Variants in TRAF3IP1 observed in about 807,000 individuals in gnomAD.
TRAF3IP1 encodes intraflagellar transport 54.
A neutral mutation model predicts 89.9 loss-of-function variants in TRAF3IP1; 53 were observed. That is an observed-to-expected ratio of 0.59 (90% CI 0.47 to 0.74). The LOEUF is 0.74. TRAF3IP1 is among the 30% of genes least tolerant of loss of function. TRAF3IP1 has a pLI of 0.00. For missense variants in TRAF3IP1, 806 were observed against 866.1 expected, an observed-to-expected ratio of 0.93 and a Z score of 0.87; for synonymous variants, 311 against 322.1, an observed-to-expected ratio of 0.97 and a Z score of 0.37.
intron 9 of TRAF3IP1, chr2:238,347,214 T>C (rs953483478): frequency 7.8e-6 from 4 of 513,192 alleles, no homozygotes; most frequent in Non-Finnish European, 1.0e-5. Flanking sequence ...CCCTGTGTCC[T>C]GTTTCTATTT....
chr2:238,339,635 C>T (rs922913181), intron 8 of TRAF3IP1, among the ~76,000 whole-genome samples: 4 of 152,354 alleles, frequency 2.6e-5, no homozygotes, highest in Non-Finnish European at 4.4e-5. Flanking sequence ...GAGCCAGCCA[C>T]GTGAGTGGGT....
chr2:238,371,466 C>T (rs1700109072), intron 15 of TRAF3IP1, among the ~76,000 whole-genome samples: 1 of 152,066 alleles, frequency 6.6e-6, no homozygotes, highest in Non-Finnish European at 1.5e-5. Flanking sequence ...GAAACTGACC[C>T]AAGATTCTTA....
intron 15 of TRAF3IP1, among the ~76,000 whole-genome samples, chr2:238,366,187 G>A (rs570475260): frequency 1.3e-5 from 2 of 152,144 alleles, no homozygotes; most frequent in South Asian, 4.2e-4. Flanking sequence ...AGCAGAGATC[G>A]CGCGCGCCAC....
At chr2:238,374,115 C>T (rs891453087) in intron 15 of TRAF3IP1, among the ~76,000 whole-genome samples, 1 of 152,098 alleles carries the variant, frequency 6.6e-6, no homozygotes, top group African/African-American at 2.4e-5. Flanking sequence ...AATTGAATAC[C>T]CTTTATTTCT....
intron 15 of TRAF3IP1, among the ~76,000 whole-genome samples, chr2:238,370,743 G>A (rs821808): frequency 0.25 from 37,359 of 152,136 alleles, 5,475 homozygotes; most frequent in Middle Eastern, 0.43. Context: ...AGCAGTGGAC[G>A]TTAAGTGCAT....
chr2:238,353,132 C>T (rs1371571172), intron 13 of TRAF3IP1, 41 bp from the exon 14 acceptor site: 2 of 1,612,750 alleles, frequency 1.2e-6, no homozygotes, highest in Non-Finnish European at 8.5e-7. Context: ...TAAAATTCAA[C>T]AAGCCTGAAT....
At chr2:238,370,700 C>G (rs542382544) in intron 15 of TRAF3IP1, among the ~76,000 whole-genome samples, 1 of 152,284 alleles carries the variant, frequency 6.6e-6, no homozygotes, top group East Asian at 1.9e-4. Context: ...AGGTGAAGAC[C>G]AGTGCCTCTC....
intron 15 of TRAF3IP1, among the ~76,000 whole-genome samples, chr2:238,391,102 G>T (rs1317920585): frequency 6.6e-6 from 1 of 152,244 alleles, no homozygotes; most frequent in African/African-American, 2.4e-5. Flanking sequence ...CTACAGGTGT[G>T]CACCACCACG....
chr2:238,325,243 G>A (rs1024603757), intron 1 of TRAF3IP1, 63 bp from the exon 2 acceptor site: 7 of 1,500,504 alleles, frequency 4.7e-6, no homozygotes, highest in Non-Finnish European at 6.5e-6. Context: ...GGAGTTGAGT[G>A]GATGAGGCTG....
intron 15 of TRAF3IP1, among the ~76,000 whole-genome samples, chr2:238,384,636 G>T (rs184261406): frequency 1.3e-4 from 19 of 150,092 alleles, no homozygotes; most frequent in Non-Finnish European, 2.2e-4. Context: ...GCCCGCCTCA[G>T]CCTCCCAAAG....
intron 8 of TRAF3IP1, among the ~76,000 whole-genome samples, chr2:238,340,634 CA>C (rs2106380254): frequency 6.6e-6 from 1 of 152,232 alleles, no homozygotes; most frequent in East Asian, 1.9e-4. Context: ...TTTTCTGGAA[CA>C]TTAAGTCAGG....
intron 7 of TRAF3IP1, among the ~76,000 whole-genome samples, chr2:238,337,057 T>C (rs1486394455): frequency 6.6e-6 from 1 of 152,060 alleles, no homozygotes; most frequent in Non-Finnish European, 1.5e-5. Flanking sequence ...GAGGGACATG[T>C]TGGCCCCATG....
intron 15 of TRAF3IP1, among the ~76,000 whole-genome samples, chr2:238,395,666 G>T (rs1438060606): frequency 6.6e-6 from 1 of 151,786 alleles, no homozygotes; most frequent in Non-Finnish European, 1.5e-5. Flanking sequence ...AATCTACAAT[G>T]AACTCAAACA....
chr2:238,332,370 G>A (rs111987759), intron 5 of TRAF3IP1, among the ~76,000 whole-genome samples: 2 of 152,146 alleles, frequency 1.3e-5, no homozygotes, highest in Non-Finnish European at 2.9e-5. Flanking sequence ...AAGCCTTTGC[G>A]TAAAAAGAAT....
At chr2:238,388,374 C>CAAAAAA (rs71043134) in intron 15 of TRAF3IP1, among the ~76,000 whole-genome samples, 1 of 101,658 alleles carries the variant, frequency 9.8e-6, no homozygotes, top group South Asian at 3.6e-4. Context: ...GACCCTGTCT[C>CAAAAAA]AAAAAAAAAA....
chr2:238,356,225 G>GC, intron 15 of TRAF3IP1, 145 bp downstream of exon 15: 2 of 752,296 alleles, frequency 2.7e-6, no homozygotes, highest in Non-Finnish European at 4.4e-6. Flanking sequence ...GGCCAGGCAT[G>GC]GTGGCTCACG....
rs1269319646 is a variant in TRAF3IP1, at chr2:238,379,441, C to T, written c.1690-18018C>T. 3.3e-5 allele frequency among the ~76,000 whole-genome samples: 5 copies of T among 152,228 alleles called. No individual in the cohort carries two copies. The highest frequency in any genetic ancestry group is 7.3e-5 in the Non-Finnish European group (5 of 68,040). ...TCAGCAGAACTCCTTATTCTGTCTG[C>T]CTTGGCAGCCACAGACACCTGCTCG... is the stretch of plus-strand genomic sequence containing the variant. On this transcript the variant is annotated intron_variant, in intron 15 of 16. Coordinates refer to ENST00000373327, the MANE Select transcript of TRAF3IP1 (RefSeq NM_015650.4). This position sits in a 1 kb window ranked among gnomAD's most constrained non-coding sequence, Gnocchi z 4.0.
intron 11 of TRAF3IP1, 111 bp downstream of exon 11, chr2:238,348,959 G>C (rs938620726): frequency 6.7e-6 from 6 of 896,460 alleles, no homozygotes; most frequent in Admixed American, 6.5e-5. Flanking sequence ...TAACTTATGA[G>C]GAATTACTTA....
Position 238,325,331 on chromosome 2 carries a change from A to T in TRAF3IP1, c.149A>T (p.Lys50Met). Residue 50 changes from lysine to methionine, a missense_variant, in exon 2 of 17, where the codon AAG (lysine) becomes ATG (methionine). Physicochemically the swap from Lys to Met is moderately conservative, Grantham distance 95. Around this residue, in one of 3 missense-constraint regions of TRAF3IP1, gnomAD observed 732 missense variants for 780.5 expected, o/e 0.94. Coordinates refer to ENST00000373327, the MANE Select transcript of TRAF3IP1 (RefSeq NM_015650.4). ...GTGATTAGAATGACTGGTTTCATGA[A>T]GGGCCTCTACACAGACGCCGAGATG... ...TEVIRMTGFM[K>M]GLYTDAEMKS... The T allele has an allele frequency of 6.2e-7, 1 of 1,614,116 alleles. No homozygotes were observed. Among genetic ancestry groups the T allele is most frequent in the Non-Finnish European group, 8.5e-7 (1 of 1,180,014 alleles).
Sources: gnomAD v4.1 joint callset for allele counts (sites outside exome capture counted in the v4.1 genomes callset) on GRCh38, gnomAD v4.1.1 for gene constraint, gnomAD v4.1.1 regional missense constraint, Gnocchi (gnomAD v3.1) non-coding constraint, MANE v1.5 for transcripts, NCBI Gene and HGNC (gene_info 2026-07-23, HGNC 2026-07-21) for gene names.